Variants in PTPRZ1 observed in about 807,000 individuals in gnomAD.
The protein encoded by PTPRZ1 is protein tyrosine phosphatase receptor type Z1.
Under a neutral mutation model 214.1 loss-of-function variants are expected in PTPRZ1, and 82 were observed. That is an observed-to-expected ratio of 0.38 (90% CI 0.32 to 0.46). The LOEUF is 0.46. Ranked by LOEUF, PTPRZ1 falls within the 20% of genes least tolerant of loss-of-function variation. The pLI, the probability that PTPRZ1 is intolerant of heterozygous loss-of-function variation, is 1.00. For synonymous variants in PTPRZ1, 945 were observed against 987.9 expected, an observed-to-expected ratio of 0.96 and a Z score of 0.81; for missense variants, 2,603 against 2,748.7, an observed-to-expected ratio of 0.95 and a Z score of 1.19.
intron 6 of PTPRZ1, among the ~76,000 whole-genome samples, chr7:121,979,570 C>G (rs1797540873): frequency 6.6e-6 from 1 of 152,208 alleles, no homozygotes; most frequent in Non-Finnish European, 1.5e-5. Context: ...ACCAGCCTTT[C>G]TCTAGTGCTT....
In PTPRZ1 at chr7:121,968,043, G is replaced by A; in HGVS notation, c.217G>A (p.Val73Ile). 1 of 1,597,074 alleles carries A rather than the reference G, an allele frequency of 6.3e-7. No individual in the cohort carries two copies. Residue 73 changes from valine (V) to isoleucine (I), a missense_variant, in exon 3 of 30, where the codon GTA becomes ATA. Coordinates refer to ENST00000393386, the MANE Select transcript of PTPRZ1 (RefSeq NM_002851.3). ...PINIDEDLTQ[V>I]NVNLKKLKFQ... Reference sequence around the variant, plus strand: ...CAATATTGATGAAGATCTTACACAAGTAAATGTGAATCTTAAGAAACTTAA... The same window carrying A: ...CAATATTGATGAAGATCTTACACAAATAAATGTGAATCTTAAGAAACTTAA...
chr7:122,059,738 T>C lies in PTPRZ1; in HGVS notation c.6672-15T>C. Reference sequence around the variant, plus strand: ...CAATGGAGTCTTTGTTCCTTTTCTTTTTTTTTTTTACAAGGCATGGAGGAG... The same window carrying C: ...CAATGGAGTCTTTGTTCCTTTTCTTCTTTTTTTTTACAAGGCATGGAGGAG... On this transcript the variant is annotated splice_polypyrimidine_tract_variant and intron_variant, in intron 28 of 29. Coordinates refer to ENST00000393386, the MANE Select transcript of PTPRZ1 (RefSeq NM_002851.3). 6.4e-7 allele frequency: 1 copy of C among 1,569,242 alleles called. No individual in the cohort carries two copies. The highest frequency in any genetic ancestry group is 8.6e-7 in the Non-Finnish European group (1 of 1,160,396).
chr7:121,902,753 G>T (rs1795004704), intron 1 of PTPRZ1, among the ~76,000 whole-genome samples: 1 of 151,936 alleles, frequency 6.6e-6, no homozygotes, highest in Non-Finnish European at 1.5e-5. Context: ...TTGAGTTCCT[G>T]AACTTTCTTT....
chr7:121,945,982 C>T (rs1385373872), intron 2 of PTPRZ1, among the ~76,000 whole-genome samples: 1 of 152,148 alleles, frequency 6.6e-6, no homozygotes, highest in East Asian at 1.9e-4. Flanking sequence ...GCACCATTCC[C>T]TAAGTGTAAA....
At chr7:121,944,335 T>C (rs945305261) in intron 2 of PTPRZ1, among the ~76,000 whole-genome samples, 1 of 152,164 alleles carries the variant, frequency 6.6e-6, no homozygotes, top group African/African-American at 2.4e-5. Context: ...ATTGTGTTTT[T>C]CATTCTTATA....
At chr7:121,995,586 C>T (rs1176303566) in intron 8 of PTPRZ1, among the ~76,000 whole-genome samples, 1 of 152,182 alleles carries the variant, frequency 6.6e-6, no homozygotes, top group Non-Finnish European at 1.5e-5. Context: ...TAAGAAGTCT[C>T]TGAATGATTT....
In PTPRZ1 at chr7:122,000,646, CATATAT is replaced by C. The variant is rs60953788; in HGVS notation, c.1240+2691_1240+2696del. 5.2e-3 allele frequency among the ~76,000 whole-genome samples: 268 copies of C among 51,594 alleles called. 1 individual carries two copies. Among genetic ancestry groups the C allele is most frequent in the East Asian group, 0.013 (13 of 1,022 alleles). 33.8% of individuals were successfully genotyped at this position (51,594 alleles called of 152,430 possible). ...ATTGCTGTCATTCTTTGATAGATTT[CATATAT>C]ATATATATATATATATATATATATA... On this transcript the variant is annotated intron_variant, in intron 10 of 29. Coordinates refer to ENST00000393386, the MANE Select transcript of PTPRZ1 (RefSeq NM_002851.3).
intron 2 of PTPRZ1, among the ~76,000 whole-genome samples, chr7:121,942,792 A>G (rs946670732): frequency 1.6e-4 from 24 of 152,372 alleles, no homozygotes; most frequent in Admixed American, 1.6e-3. Flanking sequence ...CTAAGGAACT[A>G]TATTTATTTG....
At chr7:121,962,690 G>C (rs1424273766) in intron 2 of PTPRZ1, among the ~76,000 whole-genome samples, 1 of 150,888 alleles carries the variant, frequency 6.6e-6, no homozygotes, top group Non-Finnish European at 1.5e-5. Flanking sequence ...TCAGCCTCCT[G>C]AGTAGCTGGG....
intron 1 of PTPRZ1, among the ~76,000 whole-genome samples, chr7:121,891,185 T>G (rs962164691): frequency 3.9e-5 from 6 of 152,122 alleles, no homozygotes; most frequent in African/African-American, 1.4e-4. Context: ...CAATGATACT[T>G]TTTCATTTGA....
chr7:121,888,334 T>A (rs1382411709), intron 1 of PTPRZ1, among the ~76,000 whole-genome samples: 1 of 151,698 alleles, frequency 6.6e-6, no homozygotes, highest in Non-Finnish European at 1.5e-5. Context: ...TAAGGGACTG[T>A]GAAAAAAATA....
At chr7:121,978,387 A>G (rs1015690562) in intron 6 of PTPRZ1, among the ~76,000 whole-genome samples, 1 of 152,200 alleles carries the variant, frequency 6.6e-6, no homozygotes, top group African/African-American at 2.4e-5. Flanking sequence ...AAGAGATTGA[A>G]TTGACTCACA....
intron 8 of PTPRZ1, among the ~76,000 whole-genome samples, chr7:121,987,621 C>G (rs981088052): frequency 6.6e-6 from 1 of 152,058 alleles, no homozygotes; most frequent in South Asian, 2.1e-4. Context: ...GAGATGGTAT[C>G]TCATTGTGGT....
At chr7:122,058,562 A>AT (rs1411039890) in intron 27 of PTPRZ1, among the ~76,000 whole-genome samples, 3 of 152,106 alleles carry the variant, frequency 2.0e-5, no homozygotes, top group African/African-American at 7.2e-5. Flanking sequence ...GATAGAGTTT[A>AT]TTTTTAGAAT....
intron 2 of PTPRZ1, among the ~76,000 whole-genome samples, chr7:121,956,918 C>T (rs9641680): frequency 6.6e-5 from 10 of 151,866 alleles, no homozygotes; most frequent in African/African-American, 2.2e-4. Context: ...TCCTTCCCCC[C>T]CAAAAAACAA....
intron 8 of PTPRZ1, among the ~76,000 whole-genome samples, chr7:121,986,506 T>C (rs1797765840): frequency 6.6e-6 from 1 of 152,200 alleles, no homozygotes; most frequent in East Asian, 1.9e-4. Context: ...AACACTTTCT[T>C]AACTACTTGG....
chr7:121,980,708 A>AT, intron 6 of PTPRZ1, among the ~76,000 whole-genome samples: 2 of 152,370 alleles, frequency 1.3e-5, no homozygotes, highest in South Asian at 4.1e-4. Context: ...AAAAGTTAAC[A>AT]TTTACTAATT....
chr7:121,976,596 G>T (rs1159926500), intron 5 of PTPRZ1, among the ~76,000 whole-genome samples, 189 bp from the exon 6 acceptor site: 2 of 151,954 alleles, frequency 1.3e-5, no homozygotes, highest in Non-Finnish European at 2.9e-5. Flanking sequence ...ACTTTTCTTA[G>T]TGAAATATGT....
chr7:121,980,508 C>T (rs1344411952), intron 6 of PTPRZ1, among the ~76,000 whole-genome samples: 2 of 152,002 alleles, frequency 1.3e-5, no homozygotes, highest in Non-Finnish European at 2.9e-5. Flanking sequence ...CTAATGAATC[C>T]GTTAAATCAA....
Sources: gnomAD v4.1 joint callset for allele counts (sites outside exome capture counted in the v4.1 genomes callset) on GRCh38, gnomAD v4.1.1 for gene constraint, MANE v1.5 for transcripts, NCBI Gene and HGNC (gene_info 2026-07-23, HGNC 2026-07-21) for gene names.